PARVB: variants seen among roughly 807,000 people sequenced by gnomAD.
PARVB encodes parvin beta.
A neutral mutation model predicts 47.0 loss-of-function variants in PARVB; 46 were observed. The observed-to-expected ratio is 0.98, with a 90% CI of 0.77 to 1.25. PARVB has a LOEUF of 1.25. PARVB is among the 50% of genes most tolerant of loss of function. PARVB has a pLI of 0.00. For missense variants in PARVB, 473 were observed against 471.6 expected (o/e 1.00, Z -0.03); for synonymous variants, 196 against 196.3 (o/e 1.00, Z 0.01).
chr22:44,067,355 GTAGT>G (rs1378582617), intron 1 of PARVB, among the ~76,000 whole-genome samples: 3 of 152,218 alleles, frequency 2.0e-5, no homozygotes, highest in African/African-American at 7.2e-5. Context: ...TTTCAAGTGC[GTAGT>G]TATTTTCCTT....
rs117397469 is a variant in PARVB, at chr22:44,152,108, C to T, written c.843+557C>T. The T allele has an allele frequency of 5.2e-3, 801 of 152,596 alleles. 5 individuals are homozygous for T. Among genetic ancestry groups the T allele is most frequent in the Middle Eastern group, 0.01 (3 of 286 alleles). 9.5% of individuals were successfully genotyped at this position (152,596 alleles called of 1,614,324 possible). A position where few individuals can be genotyped will look rare whatever the true frequency, so the allele number is the denominator to read the frequency against. On this transcript the variant is annotated intron_variant, in intron 10 of 12. Transcript: ENST00000338758. ...CCCTGTTTCCAGATACGGTCACATT[C>T]AGAGGTCCTGGTGATTAGGGTTCCA...
intron 6 of PARVB, among the ~76,000 whole-genome samples, chr22:44,134,241 G>T (rs528716417): frequency 7.1e-4 from 108 of 152,350 alleles, no homozygotes; most frequent in African/African-American, 2.5e-3. Flanking sequence ...CACCTGCCAT[G>T]TGTCCATGTT....
intron 2 of PARVB, among the ~76,000 whole-genome samples, chr22:44,096,206 C>A (rs928916846): frequency 6.6e-6 from 1 of 152,146 alleles, no homozygotes; most frequent in African/African-American, 2.4e-5. Context: ...GCCTGGGCAA[C>A]AAGAATGAAA....
chr22:44,083,169 T>C (rs2051946579), intron 1 of PARVB, among the ~76,000 whole-genome samples: 1 of 152,146 alleles, frequency 6.6e-6, no homozygotes, highest in South Asian at 2.1e-4. Flanking sequence ...ATGGAAACCC[T>C]CTTTTTCCAC....
At chr22:44,063,509 G>T (rs975148118) in intron 1 of PARVB, among the ~76,000 whole-genome samples, 5 of 152,144 alleles carry the variant, frequency 3.3e-5, no homozygotes, top group African/African-American at 2.4e-5. Flanking sequence ...TTACAGGCGT[G>T]AGCCACCGCG....
At chr22:44,062,816 C>A (rs1055271858) in intron 1 of PARVB, among the ~76,000 whole-genome samples, 3 of 152,186 alleles carry the variant, frequency 2.0e-5, no homozygotes, top group African/African-American at 7.2e-5. Context: ...ACCCTCCTGG[C>A]ACCTGGATGT....
At chr22:44,020,946 A>G (rs1157980325), upstream of PARVB, among the ~76,000 whole-genome samples, 1 of 151,926 alleles carries the variant, frequency 6.6e-6, no homozygotes, top group Non-Finnish European at 1.5e-5. Flanking sequence ...ATACCTGGCT[A>G]ATTTTTGTAT....
chr22:44,154,820 CTGTGTGGTGTGTGTTGTG>C (rs2053889525), intron 10 of PARVB, among the ~76,000 whole-genome samples: 1 of 121,464 alleles, frequency 8.2e-6, no homozygotes, highest in African/African-American at 3.3e-5. Flanking sequence ...TTTTTGTAGT[CTGTGTGGTGTGTGTTGTG>C]TGTGTGGTTT....
At chr22:44,013,934 G>T (rs776851611) in intron 2 of PARVB, among the ~76,000 whole-genome samples, 4 of 152,176 alleles carry the variant, frequency 2.6e-5, no homozygotes, top group Non-Finnish European at 4.4e-5. Context: ...TGCCTGGCTC[G>T]GTGTAACTTC....
chr22:44,009,808 CTT>C (rs546290064), intron 2 of PARVB, among the ~76,000 whole-genome samples: 75 of 132,852 alleles, frequency 5.6e-4, no homozygotes, highest in African/African-American at 8.0e-4. Flanking sequence ...GCATATGAAT[CTT>C]TTTTTTTTTT....
chr22:44,137,961 A>G (rs548431876), intron 7 of PARVB, among the ~76,000 whole-genome samples: 1 of 152,262 alleles, frequency 6.6e-6, no homozygotes, highest in East Asian at 1.9e-4. Context: ...ATGCTGTGAT[A>G]GGAGTTCCCC....
chr22:44,136,131 T>G (rs1601661438), intron 6 of PARVB, among the ~76,000 whole-genome samples: 3 of 152,232 alleles, frequency 2.0e-5, no homozygotes, highest in East Asian at 3.9e-4. Flanking sequence ...TCACCTCTCC[T>G]GGCTGCAAAG....
chr22:44,022,886 A>G (rs943894447), upstream of PARVB, among the ~76,000 whole-genome samples: 4 of 151,958 alleles, frequency 2.6e-5, no homozygotes, highest in Admixed American at 1.3e-4. Context: ...AGCAGGGATT[A>G]CAGGCATCCA....
At chr22:44,024,951 A>G (rs1422528825) in intron 1 of PARVB, among the ~76,000 whole-genome samples, 1 of 152,174 alleles carries the variant, frequency 6.6e-6, no homozygotes, top group African/African-American at 2.4e-5. Flanking sequence ...CAAGAATTGC[A>G]GAGATCCCAT....
rs138628538 is a variant in PARVB, at chr22:44,068,843, C to A, written c.113-25085C>A. On this transcript the variant is annotated intron_variant, in intron 1 of 12. Transcript: ENST00000338758. This position sits in a 1 kb window ranked among gnomAD's most constrained non-coding sequence, Gnocchi z 4.1. ...TCTTCAGTCAGCCCAGGGGCCTGGG[C>A]GCGCCCTTCCTTCCTTCTTTGTGCA... 1.3e-5 allele frequency among the ~76,000 whole-genome samples: 2 copies of A among 152,178 alleles called. No homozygotes were observed. Among genetic ancestry groups the A allele is most frequent in the Non-Finnish European group, 2.9e-5 (2 of 68,028 alleles).
At chr22:44,028,145 G>A (rs1569060428) in intron 1 of PARVB, among the ~76,000 whole-genome samples, 1 of 151,920 alleles carries the variant, frequency 6.6e-6, no homozygotes, top group Non-Finnish European at 1.5e-5. Context: ...TACATTAGGG[G>A]TTGCTCTTGC....
intron 1 of PARVB, chr22:43,999,460 T>C (rs569597905): frequency 6.3e-7 from 1 of 1,576,096 alleles, no homozygotes; most frequent in Admixed American, 1.7e-5. Flanking sequence ...CAGGTTGTAC[T>C]CAGAAGTCCA....
intron 1 of PARVB, among the ~76,000 whole-genome samples, chr22:44,027,772 C>A (rs1364143083): frequency 1.3e-5 from 2 of 151,744 alleles, no homozygotes; most frequent in African/African-American, 4.8e-5. Context: ...GTGGCGTGTG[C>A]CTGTAATCCC....
intron 8 of PARVB, chr22:44,146,993 G>A (rs742404): frequency 0.14 from 21,990 of 153,080 alleles, 2,432 homozygotes; most frequent in South Asian, 0.31. Flanking sequence ...TGTCTACCTG[G>A]AGACCTCAGC....
Sources: allele counts gnomAD v4.1 joint callset (sites outside exome capture counted in the v4.1 genomes callset), GRCh38; gene constraint gnomAD v4.1.1; non-coding constraint Gnocchi (gnomAD v3.1); transcripts MANE v1.5; gene names NCBI Gene and HGNC (gene_info 2026-07-23, HGNC 2026-07-21).